Variants in TRAF6 observed in about 807,000 individuals in gnomAD.
TRAF6 encodes TNF receptor-associated factor 6.
In TRAF6, 10 loss-of-function variants were observed where a neutral mutation model predicts 48.4. That is an observed-to-expected ratio of 0.21 (90% CI 0.13 to 0.35). The LOEUF is 0.35. Ranked by LOEUF, TRAF6 falls within the 10% of genes least tolerant of loss-of-function variation. The probability of loss-of-function intolerance (pLI) is 1.00; values close to 1 mark genes in which losing one functional copy is unlikely to be tolerated. For missense variants in TRAF6, 397 were observed against 661.0 expected, an observed-to-expected ratio of 0.60 and a Z score of 4.38; for synonymous variants, 186 against 219.6, an observed-to-expected ratio of 0.85 and a Z score of 1.35.
rs149712789 is a variant in TRAF6, at chr11:36,498,839, C to T, written c.297-199G>A. On this transcript the variant is annotated intron_variant, in intron 2 of 6. Transcript: ENST00000526995. ...CTGTTCTTTTATGAAATGAGTACAACTAGCATACTGATAACCTATCAAAAG... is the reference window on the plus strand; with the variant it reads ...CTGTTCTTTTATGAAATGAGTACAATTAGCATACTGATAACCTATCAAAAG... Among the ~76,000 whole-genome samples the T allele has an allele frequency of 1.9e-4, 29 of 152,288 alleles. No individual in the cohort carries two copies. In the East Asian group the frequency reaches 5.4e-3, roughly 28 times the overall value.
At chr11:36,497,359 G>C in intron 3 of TRAF6, 93 bp from the exon 4 acceptor site, 3 of 1,212,942 alleles carry the variant, frequency 2.5e-6, no homozygotes, top group Non-Finnish European at 3.4e-6. Flanking sequence ...CTTTCAGCAG[G>C]CTACTGAACC....
rs1290985549 is a variant in TRAF6, at chr11:36,485,795, T to C, written c.*4043A>G. On this transcript the variant is annotated 3_prime_UTR_variant, in exon 7 of 7. Coordinates refer to ENST00000526995, the MANE Select transcript of TRAF6 (RefSeq NM_004620.4). ...GAGTGTCACAGTCTGCCAAGATCCA[T>C]CCAATTTGATTTCATCAGATCATCT... 6.6e-6 allele frequency among the ~76,000 whole-genome samples: 1 copy of C among 152,104 alleles called. No individual in the cohort carries two copies. Among genetic ancestry groups the C allele is most frequent in the Non-Finnish European group, 1.5e-5 (1 of 68,026 alleles).
intron 1 of TRAF6, among the ~76,000 whole-genome samples, chr11:36,509,687 A>G (rs1251997656): frequency 6.6e-6 from 1 of 152,082 alleles, no homozygotes; most frequent in Non-Finnish European, 1.5e-5. Flanking sequence ...AGCGAGGAAG[A>G]GGAGGCCTGG....
intron 4 of TRAF6, among the ~76,000 whole-genome samples, chr11:36,496,149 A>G (rs1859629521): frequency 2.6e-5 from 4 of 152,232 alleles, no homozygotes; most frequent in Non-Finnish European, 1.5e-5. Flanking sequence ...GATAGGGATC[A>G]AGGGCTTCGA....
In TRAF6 at chr11:36,498,737, T is replaced by G. The variant is rs150533236; in HGVS notation, c.297-97A>C. 2.3e-3 allele frequency: 2,918 copies of G among 1,296,158 alleles called. 4 individuals carry two copies. Among genetic ancestry groups the G allele is most frequent in the Non-Finnish European group, 2.5e-3 (2,375 of 960,394 alleles). 80.3% of individuals were successfully genotyped at this position (1,296,158 alleles called of 1,614,324 possible). On this transcript the variant is annotated intron_variant, in intron 2 of 6. Coordinates refer to ENST00000526995, the MANE Select transcript of TRAF6 (RefSeq NM_004620.4). ...CATATATAAATTCTCCATTTACTGTTTCATAAGTAAAAACAATTTAACATA... is the reference window on the plus strand; with the variant it reads ...CATATATAAATTCTCCATTTACTGTGTCATAAGTAAAAACAATTTAACATA...
At chr11:36,493,074 C>T (rs1250356429) in intron 5 of TRAF6, among the ~76,000 whole-genome samples, 4 of 152,132 alleles carry the variant, frequency 2.6e-5, no homozygotes, top group Non-Finnish European at 5.9e-5. Flanking sequence ...CATCTTTGAC[C>T]ACCTTTCAAC....
rs201926351 is a variant in TRAF6, at chr11:36,490,399, G to T, written c.1008C>A (p.Thr336=). Residue 336 remains threonine (T), a synonymous_variant, in exon 7 of 7, where the codon ACC becomes ACA. Coordinates refer to ENST00000526995, the MANE Select transcript of TRAF6 (RefSeq NM_004620.4). The surrounding 1 kb of genome is among the most constrained non-coding windows in gnomAD (Gnocchi z 6.4). ...YVSELKRTIR[T]LEDKVAEIEA... ...CGATTTCAGCAACTTTGTCCTCAAG[G>T]GTTCGAATGGTTCGTTTGAGCTCAC... 2.5e-6 allele frequency: 4 copies of T among 1,614,076 alleles called. No homozygotes were observed. The highest frequency in any genetic ancestry group is 3.4e-6 in the Non-Finnish European group (4 of 1,180,030).
In TRAF6 at chr11:36,486,429, A is replaced by G. The variant is rs1433229659; in HGVS notation, c.*3409T>C. Among the ~76,000 whole-genome samples the G allele has an allele frequency of 2.0e-5, 3 of 152,166 alleles. No individual in the cohort carries two copies. The highest frequency in any genetic ancestry group is 4.4e-5 in the Non-Finnish European group (3 of 68,024). On this transcript the variant is annotated 3_prime_UTR_variant, in exon 7 of 7. Coordinates refer to ENST00000526995, the MANE Select transcript of TRAF6 (RefSeq NM_004620.4). ...TACAAGCAATTGTTCCTCTGTAAAA[A>G]TAATGCATTCTAACTGTATACATAA...
intron 6 of TRAF6, among the ~76,000 whole-genome samples, chr11:36,492,348 A>G (rs574006424): frequency 6.6e-6 from 1 of 152,124 alleles, no homozygotes; most frequent in Non-Finnish European, 1.5e-5. Flanking sequence ...CCAAAGCATC[A>G]TGTTTTGTCA....
In TRAF6 at chr11:36,490,009, C is replaced by T; in HGVS notation, c.1398G>A (p.Arg466=). Reference sequence around the variant, plus strand: ...TTACATAGCCAAAACCTTTTGGGTTCCGTGGGATTGTGGGTCGCTGGAAAG... The same window carrying T: ...TTACATAGCCAAAACCTTTTGGGTTTCGTGGGATTGTGGGTCGCTGGAAAG... ...LLAFQRPTIP[R]NPKGFGYVTF... Residue 466 remains arginine (R), a synonymous_variant, in exon 7 of 7, where the codon CGG becomes CGA. Coordinates refer to ENST00000526995, the MANE Select transcript of TRAF6 (RefSeq NM_004620.4). The surrounding 1 kb of genome is among the most constrained non-coding windows in gnomAD (Gnocchi z 6.4). The T allele has an allele frequency of 3.7e-6, 6 of 1,614,124 alleles. No homozygotes were observed. The highest frequency in any genetic ancestry group is 5.1e-6 in the Non-Finnish European group (6 of 1,180,022).
chr11:36,492,740 T>C lies in TRAF6; in HGVS notation c.679-112A>G, dbSNP rs2303439. On this transcript the variant is annotated intron_variant, in intron 5 of 6. Transcript: ENST00000526995. ...TGGCTGCTTTGTACCACATTGGCAGTTGAATAGGTGCAGCATAAACCATCA... is the reference window on the plus strand; with the variant it reads ...TGGCTGCTTTGTACCACATTGGCAGCTGAATAGGTGCAGCATAAACCATCA... 630,295 of 765,826 alleles carry C rather than the reference T, an allele frequency of 0.82. 261,797 individuals carry two copies. The highest frequency in any genetic ancestry group is 0.88 in the Admixed American group (35,849 of 40,910). The allele number at this position is 765,826 out of a possible 1,614,324, so 47.4% of individuals were successfully genotyped here. A position where few individuals can be genotyped will look rare whatever the true frequency, so the allele number is the denominator to read the frequency against.
intron 1 of TRAF6, among the ~76,000 whole-genome samples, chr11:36,507,044 G>C (rs969547382): frequency 1.3e-5 from 2 of 150,936 alleles, no homozygotes; most frequent in East Asian, 1.9e-4. Context: ...CTAACACTAA[G>C]AGAAGAACAA....
At chr11:36,497,813 G>T (rs550504786) in intron 3 of TRAF6, among the ~76,000 whole-genome samples, 39 of 151,184 alleles carry the variant, frequency 2.6e-4, no homozygotes, top group Non-Finnish European at 3.8e-4. Context: ...ATACTGAGAT[G>T]ATTACTTGGG....
intron 4 of TRAF6, 124 bp from the exon 5 acceptor site, chr11:36,495,171 A>G (rs1395358063): frequency 4.9e-6 from 3 of 612,522 alleles, no homozygotes; most frequent in Admixed American, 5.7e-5. Context: ...TACAAAGCAA[A>G]AGTGAGTGAA....
intron 5 of TRAF6, 21 bp downstream of exon 5, chr11:36,494,939 GTTTATGAAAATAATAA>G: frequency 2.1e-6 from 3 of 1,415,462 alleles, no homozygotes; most frequent in Non-Finnish European, 3.0e-6. Flanking sequence ...TCTTTAAGCT[GTTTATGAAAATAATAA>G]TTTATGAAAA....
At chr11:36,501,190 A>G in intron 2 of TRAF6, 30 bp downstream of exon 2, 1 of 1,526,816 alleles carries the variant, frequency 6.5e-7, no homozygotes. Flanking sequence ...GTTCTGTTAT[A>G]GGACACCATT....
chr11:36,506,849 A>G (rs1859791316), intron 1 of TRAF6, among the ~76,000 whole-genome samples: 1 of 152,176 alleles, frequency 6.6e-6, no homozygotes, highest in South Asian at 2.1e-4. Flanking sequence ...TCATATAGTT[A>G]TCCTTTAAGT....
chr11:36,492,720 G>A (rs756471463), intron 5 of TRAF6, 92 bp from the exon 6 acceptor site: 73 of 964,182 alleles, frequency 7.6e-5, no homozygotes, highest in Non-Finnish European at 1.2e-4. Flanking sequence ...GTCAATGGCT[G>A]CTTTGTACCA....
intron 1 of TRAF6, among the ~76,000 whole-genome samples, chr11:36,505,060 T>C (rs1859766817): frequency 6.6e-6 from 1 of 152,226 alleles, no homozygotes; most frequent in Non-Finnish European, 1.5e-5. Flanking sequence ...AGAGTAGATT[T>C]AGTATAATTA....
Sources: gnomAD v4.1 joint callset for allele counts (sites outside exome capture counted in the v4.1 genomes callset) on GRCh38, gnomAD v4.1.1 for gene constraint, Gnocchi (gnomAD v3.1) non-coding constraint, MANE v1.5 for transcripts, NCBI Gene and HGNC (gene_info 2026-07-23, HGNC 2026-07-21) for gene names.